BCAS1: variants seen among roughly 807,000 people sequenced by gnomAD.
BCAS1 encodes breast carcinoma-amplified sequence 1.
BCAS1 carries 46 observed loss-of-function variants against 65.4 expected under a neutral mutation model. That is an observed-to-expected ratio of 0.70 (90% CI 0.55 to 0.90). The LOEUF is 0.90. Among genes scored for constraint, BCAS1 ranks in the 40% least tolerant of loss-of-function variants. The probability of loss-of-function intolerance (pLI) is 0.00; values close to 1 mark genes in which losing one functional copy is unlikely to be tolerated. For synonymous variants in BCAS1, 298 were observed against 293.5 expected (o/e 1.02, Z -0.16); for missense variants, 793 against 771.2 (o/e 1.03, Z -0.33).
At chr20:53,967,463 A>G (rs1240609970) in intron 9 of BCAS1, among the ~76,000 whole-genome samples, 4 of 152,202 alleles carry the variant, frequency 2.6e-5, no homozygotes, top group South Asian at 2.1e-4. Flanking sequence ...TAAGAGTCCA[A>G]CGTTAGAGAC....
intron 3 of BCAS1, among the ~76,000 whole-genome samples, chr20:54,044,595 T>C (rs2092063174): frequency 6.6e-6 from 1 of 152,308 alleles, no homozygotes; most frequent in Admixed American, 6.5e-5. Flanking sequence ...CCCAGCACTT[T>C]GGGAGGCCAA....
At chr20:53,974,141 A>G (rs969671269) in intron 9 of BCAS1, among the ~76,000 whole-genome samples, 12 of 152,228 alleles carry the variant, frequency 7.9e-5, no homozygotes, top group Non-Finnish European at 1.5e-4. Flanking sequence ...TGGACCAATC[A>G]GCACTCTGTA....
At chr20:53,972,379 A>G (rs553923002) in intron 9 of BCAS1, among the ~76,000 whole-genome samples, 2 of 152,200 alleles carry the variant, frequency 1.3e-5, no homozygotes, top group Non-Finnish European at 2.9e-5. Flanking sequence ...AAAATCACCG[A>G]TTACTGGGAC....
chr20:54,036,811 T>A (rs909159953), intron 3 of BCAS1, among the ~76,000 whole-genome samples: 1 of 151,488 alleles, frequency 6.6e-6, no homozygotes, highest in African/African-American at 2.4e-5. Flanking sequence ...TTCCAATAGT[T>A]TAATTTACAA....
chr20:54,029,274 G>A (rs1031413841), intron 3 of BCAS1: 27 of 970,750 alleles, frequency 2.8e-5, no homozygotes, highest in Middle Eastern at 5.3e-4. Flanking sequence ...TAAGAACTCC[G>A]TGAGCAGCAT....
chr20:54,039,026 T>C (rs1003637460), intron 3 of BCAS1, among the ~76,000 whole-genome samples: 1 of 151,300 alleles, frequency 6.6e-6, no homozygotes, highest in African/African-American at 2.4e-5. Context: ...ATCAAAAGAT[T>C]ATGTTAGGCC....
At chr20:53,946,817 G>A (rs1221626740) in intron 12 of BCAS1, among the ~76,000 whole-genome samples, 1 of 151,000 alleles carries the variant, frequency 6.6e-6, no homozygotes, top group African/African-American at 2.4e-5. Context: ...GAAGTATAAT[G>A]TACTATCACA....
At chr20:53,990,588 A>G (rs1434255387) in intron 7 of BCAS1, among the ~76,000 whole-genome samples, 1 of 152,132 alleles carries the variant, frequency 6.6e-6, no homozygotes, top group Non-Finnish European at 1.5e-5. Context: ...TGACAAACCC[A>G]TGGGGAAATG....
intron 9 of BCAS1, among the ~76,000 whole-genome samples, chr20:53,972,163 A>G (rs1450884505): frequency 6.6e-6 from 1 of 152,228 alleles, no homozygotes; most frequent in Admixed American, 6.5e-5. Context: ...TTTTAGCCAG[A>G]AGTCGTTATT....
At chr20:54,061,625 A>T (rs2092378001) in intron 1 of BCAS1, among the ~76,000 whole-genome samples, 1 of 152,202 alleles carries the variant, frequency 6.6e-6, no homozygotes, top group Non-Finnish European at 1.5e-5. Context: ...AGGAGGCCAA[A>T]AAAAGGGTCA....
At chr20:54,012,852 T>C (rs991760267) in intron 4 of BCAS1, among the ~76,000 whole-genome samples, 5 of 152,164 alleles carry the variant, frequency 3.3e-5, no homozygotes, top group African/African-American at 1.2e-4. Flanking sequence ...TAAAGTAGAG[T>C]TGGGATTTGA....
At chr20:54,002,803 TTGAG>T (rs1003916208) in intron 4 of BCAS1, among the ~76,000 whole-genome samples, 6 of 152,234 alleles carry the variant, frequency 3.9e-5, no homozygotes, top group Admixed American at 2.0e-4. Flanking sequence ...TGATATTCAA[TTGAG>T]TAATTTTGCA....
Position 53,961,403 on chromosome 20 carries a change from C to A in BCAS1, c.1486-3906G>T, listed in dbSNP as rs59864371. Among the ~76,000 whole-genome samples, 1,308 of 152,218 alleles carry A rather than the reference C, an allele frequency of 8.6e-3. 18 individuals carry two copies. Among genetic ancestry groups the A allele is most frequent in the African/African-American group, 0.03 (1,247 of 41,530 alleles). On this transcript the variant is annotated intron_variant, in intron 10 of 12. Coordinates refer to ENST00000688948, the MANE Select transcript of BCAS1 (RefSeq NM_001366298.2). ...GGGATCTACTGAAAATTTCTAGGAT[C>A]AACAAAGGTAATGGATCTGAGCTTA... is the stretch of plus-strand genomic sequence containing the variant.
At chr20:53,975,028 A>C (rs1171898993) in intron 9 of BCAS1, among the ~76,000 whole-genome samples, 2 of 152,148 alleles carry the variant, frequency 1.3e-5, no homozygotes, top group Non-Finnish European at 2.9e-5. Context: ...ATCACCATGG[A>C]AATAAGAGTG....
At chr20:54,050,294 A>G (rs552899928) in intron 3 of BCAS1, among the ~76,000 whole-genome samples, 1 of 152,330 alleles carries the variant, frequency 6.6e-6, no homozygotes, top group African/African-American at 2.4e-5. Context: ...CACATCTGCC[A>G]AGTCCTTTTG....
chr20:54,050,515 A>G (rs2092192609), intron 3 of BCAS1, among the ~76,000 whole-genome samples: 1 of 152,230 alleles, frequency 6.6e-6, no homozygotes, highest in Non-Finnish European at 1.5e-5. Flanking sequence ...TCTATGGGAG[A>G]GGATGAACAA....
chr20:53,991,946 C>G (rs1057023446), intron 7 of BCAS1, among the ~76,000 whole-genome samples: 5 of 152,164 alleles, frequency 3.3e-5, no homozygotes, highest in Non-Finnish European at 5.9e-5. Context: ...TGGAGAAAGT[C>G]TCAGTCTGGT....
chr20:54,011,441 G>A (rs1199470887), intron 4 of BCAS1, among the ~76,000 whole-genome samples: 1 of 151,840 alleles, frequency 6.6e-6, no homozygotes, highest in Non-Finnish European at 1.5e-5. Flanking sequence ...GACGTGAGGG[G>A]GCATTTCATT....
chr20:54,025,231 T>C (rs539647718), intron 4 of BCAS1, among the ~76,000 whole-genome samples: 2 of 152,194 alleles, frequency 1.3e-5, no homozygotes, highest in African/African-American at 2.4e-5. Flanking sequence ...GGTTTTATTT[T>C]TAACCAATAA....
Sources: gnomAD v4.1 joint callset for allele counts (sites outside exome capture counted in the v4.1 genomes callset) on GRCh38, gnomAD v4.1.1 for gene constraint, MANE v1.5 for transcripts, NCBI Gene and HGNC (gene_info 2026-07-23, HGNC 2026-07-21) for gene names.